MTHFD1L: variants seen among roughly 807,000 people sequenced by gnomAD.
The protein encoded by MTHFD1L is monofunctional C1-tetrahydrofolate synthase, mitochondrial.
In MTHFD1L, 81 loss-of-function variants were observed where a neutral mutation model predicts 119.5. That is an observed-to-expected ratio of 0.68 (90% confidence interval 0.57 to 0.82). MTHFD1L has a LOEUF of 0.82. MTHFD1L is among the 40% of genes least tolerant of loss of function. The pLI is 0.00. For synonymous variants in MTHFD1L, 430 were observed against 475.2 expected (o/e 0.90, Z 1.24); for missense variants, 1,125 against 1,253.4 (o/e 0.90, Z 1.55).
intron 13 of MTHFD1L, among the ~76,000 whole-genome samples, chr6:150,943,075 G>A (rs547083808): frequency 2.2e-4 from 34 of 152,042 alleles, no homozygotes; most frequent in African/African-American, 8.2e-4. Context: ...AAGGTCAGGA[G>A]TTTGAGACCA....
intron 20 of MTHFD1L, among the ~76,000 whole-genome samples, chr6:150,999,278 G>T (rs147527853): frequency 1.0e-3 from 154 of 152,240 alleles, no homozygotes; most frequent in Admixed American, 1.6e-3. Context: ...AGTAAAAAGT[G>T]TTCTGTGTCA....
At chr6:150,996,897 G>C (rs1206784412) in intron 20 of MTHFD1L, among the ~76,000 whole-genome samples, 2 of 152,142 alleles carry the variant, frequency 1.3e-5, no homozygotes, top group Non-Finnish European at 2.9e-5. Flanking sequence ...CCTCTGCCTT[G>C]AATTCGCCTG....
At chr6:150,908,412 C>T (rs562731997) in intron 8 of MTHFD1L, among the ~76,000 whole-genome samples, 6 of 151,486 alleles carry the variant, frequency 4.0e-5, no homozygotes, top group South Asian at 4.2e-4. Flanking sequence ...CACCTGAGGT[C>T]GGGAGTTTGA....
intron 24 of MTHFD1L, among the ~76,000 whole-genome samples, chr6:151,018,086 G>A (rs535477821): frequency 1.3e-5 from 2 of 152,164 alleles, no homozygotes; most frequent in South Asian, 2.1e-4. Context: ...CTTTGCACCC[G>A]TCTGACATCT....
intron 7 of MTHFD1L, among the ~76,000 whole-genome samples, chr6:150,899,628 A>G (rs1308700943): frequency 6.6e-6 from 1 of 152,222 alleles, no homozygotes; most frequent in Non-Finnish European, 1.5e-5. Context: ...TACTCTTATG[A>G]TCAATGTTCA....
At chr6:150,979,378 C>A (rs2129035802) in intron 20 of MTHFD1L, among the ~76,000 whole-genome samples, 1 of 152,226 alleles carries the variant, frequency 6.6e-6, no homozygotes, top group African/African-American at 2.4e-5. Context: ...TTTTTCTTTT[C>A]TGTGTTCTAC....
At chr6:150,951,061 G>A (rs1794805257) in intron 16 of MTHFD1L, among the ~76,000 whole-genome samples, 1 of 138,794 alleles carries the variant, frequency 7.2e-6, no homozygotes, top group African/African-American at 2.6e-5. Flanking sequence ...TTTTGAGACA[G>A]GGCCTCATTC....
chr6:150,880,061 T>C (rs182905744), intron 4 of MTHFD1L, among the ~76,000 whole-genome samples: 169 of 152,352 alleles, frequency 1.1e-3, no homozygotes, highest in African/African-American at 4.0e-3. Context: ...CAAATCAGGT[T>C]AGTTACATTC....
At chr6:151,015,755 TG>T (rs1283027527) in intron 24 of MTHFD1L, 62 bp downstream of exon 24, 25 of 1,560,426 alleles carry the variant, frequency 1.6e-5, no homozygotes, top group Middle Eastern at 1.8e-4. Flanking sequence ...TGTCCCATTC[TG>T]TTGTCACCAC....
chr6:151,041,106 G>A (rs1358160655), intron 26 of MTHFD1L, among the ~76,000 whole-genome samples: 1 of 152,188 alleles, frequency 6.6e-6, no homozygotes, highest in Non-Finnish European at 1.5e-5. Context: ...GGAACAGTCG[G>A]GTGTGGGGCA....
rs772708574 is a variant in MTHFD1L, at chr6:151,009,908, G to A, written c.2215G>A (p.Val739Met). The A allele has an allele frequency of 1.2e-6, 2 of 1,613,726 alleles. No homozygotes were observed. The highest frequency in any genetic ancestry group is 1.3e-5 in the African/African-American group (1 of 75,040). ...RASGLVPNVV[V>M]LVATVRALKM... ...TTCCGGCTTGGTGCCCAACGTGGTT[G>A]TGTTAGTGGCAACGGTGCGAGCTCT... Residue 739 changes from valine to methionine, a missense_variant, in exon 21 of 28, where the codon GTG (valine) becomes ATG (methionine). By Grantham distance (21) the Val-to-Met change is conservative (BLOSUM62 1). Around this residue, in one of 3 missense-constraint regions of MTHFD1L, gnomAD observed 1,058 missense variants for 1,151.2 expected, o/e 0.92. Transcript: ENST00000367321.
chr6:150,974,173 G>C (rs1325455502), intron 20 of MTHFD1L, among the ~76,000 whole-genome samples: 2 of 152,066 alleles, frequency 1.3e-5, no homozygotes, highest in African/African-American at 4.8e-5. Context: ...TCTCTTCCTT[G>C]GTTTCCCTAC....
intron 26 of MTHFD1L, among the ~76,000 whole-genome samples, chr6:151,068,246 G>A (rs368269060): frequency 2.6e-4 from 40 of 152,338 alleles, no homozygotes; most frequent in African/African-American, 7.5e-4. Flanking sequence ...GGGCCTGCCC[G>A]CCTGACCACA....
intron 20 of MTHFD1L, among the ~76,000 whole-genome samples, chr6:150,974,630 C>T (rs1317881430): frequency 2.6e-5 from 4 of 151,916 alleles, no homozygotes; most frequent in Admixed American, 2.6e-4. Context: ...TGAGTGGAAT[C>T]ATGTAGTATT....
chr6:150,984,881 A>G (rs550001833), intron 20 of MTHFD1L, among the ~76,000 whole-genome samples: 1 of 152,316 alleles, frequency 6.6e-6, no homozygotes, highest in Non-Finnish European at 1.5e-5. Flanking sequence ...ATGAAAATCC[A>G]GATAATGGAG....
rs181199662 is a variant in MTHFD1L, at chr6:151,017,635, G to A, written c.2586+1942G>A. On this transcript the variant is annotated intron_variant, in intron 24 of 27. Transcript: ENST00000367321. ...GCTGGGATTACAGGTGTGAGCCACC[G>A]CGCCCGGCCAGAATTTCCTTTATTT... Among the ~76,000 whole-genome samples, 10 of 152,102 alleles carry A rather than the reference G, an allele frequency of 6.6e-5. No individual in the cohort carries two copies. The East Asian group carries it at 7.8e-4, about 12-fold the overall frequency.
chr6:150,965,106 G>A, intron 19 of MTHFD1L, 69 bp downstream of exon 19: 2 of 1,392,292 alleles, frequency 1.4e-6, no homozygotes, highest in South Asian at 1.2e-5. Context: ...AACATTTTTA[G>A]CCAATATGAG....
intron 19 of MTHFD1L, among the ~76,000 whole-genome samples, chr6:150,966,855 G>A (rs1797285330): frequency 6.6e-6 from 1 of 152,088 alleles, no homozygotes; most frequent in Non-Finnish European, 1.5e-5. Flanking sequence ...AAAATGGGGG[G>A]ACCATTTCTG....
At chr6:150,939,114 C>T (rs976392066) in intron 13 of MTHFD1L, 1 of 226,718 alleles carries the variant, frequency 4.4e-6, no homozygotes, top group Non-Finnish European at 9.0e-6. Flanking sequence ...ACCCTGCTGG[C>T]CTTGCGGGTC....
Sources: gnomAD v4.1 joint callset for allele counts (sites outside exome capture counted in the v4.1 genomes callset) on GRCh38, gnomAD v4.1.1 for gene constraint, gnomAD v4.1.1 regional missense constraint, MANE v1.5 for transcripts, NCBI Gene and HGNC (gene_info 2026-07-23, HGNC 2026-07-21) for gene names.